ANKFY1: variants seen among roughly 807,000 people sequenced by gnomAD.
ANKFY1 encodes ankyrin repeat and FYVE domain-containing protein 1.
In ANKFY1, 47 loss-of-function variants were observed where a neutral mutation model predicts 128.3. That is an observed-to-expected ratio of 0.37 (90% CI 0.29 to 0.47). The LOEUF (loss-of-function observed/expected upper bound fraction) is 0.47, where lower values mean the gene tolerates loss of function less well. Among genes scored for constraint, ANKFY1 ranks in the 20% least tolerant of loss-of-function variants. ANKFY1 has a pLI of 1.00. For missense variants in ANKFY1, 1,222 were observed against 1,510.6 expected (o/e 0.81, Z 3.17); for synonymous variants, 553 against 601.6 (o/e 0.92, Z 1.18).
chr17:4,171,519 G>A (rs2059319475), intron 22 of ANKFY1, among the ~76,000 whole-genome samples: 1 of 152,174 alleles, frequency 6.6e-6, no homozygotes, highest in African/African-American at 2.4e-5. Context: ...ACTATCAAAT[G>A]AGGAAGCAGG....
At chr17:4,233,680 T>TA (rs2060553150) in intron 3 of ANKFY1, among the ~76,000 whole-genome samples, 1 of 152,212 alleles carries the variant, frequency 6.6e-6, no homozygotes, top group Admixed American at 6.5e-5. Context: ...AACCTTCCTT[T>TA]ATCACCCCAA....
chr17:4,258,931 C>CA lies in ANKFY1; in HGVS notation c.10+5000dup, dbSNP rs200736170. On this transcript the variant is annotated intron_variant, in intron 1 of 24. Transcript: ENST00000341657. ...AATTTTCTGTTCAATATACTATTTA[C>CA]AAAAAAATTACATTTTTTTCAATTT... 6.0e-3 allele frequency among the ~76,000 whole-genome samples: 917 copies of CA among 152,010 alleles called. 5 individuals carry two copies. Among genetic ancestry groups the CA allele is most frequent in the African/African-American group, 0.02 (846 of 41,452 alleles).
intron 7 of ANKFY1, among the ~76,000 whole-genome samples, chr17:4,204,897 G>A (rs1043743558): frequency 1.2e-4 from 19 of 152,208 alleles, no homozygotes; most frequent in Middle Eastern, 3.4e-3. Flanking sequence ...TGACATACTC[G>A]AAGGATTTCC....
In ANKFY1 at chr17:4,189,434, G is replaced by A; in HGVS notation, c.1418C>T (p.Ala473Val). 1 of 1,593,824 alleles carries A rather than the reference G, an allele frequency of 6.3e-7. No individual in the cohort carries two copies. Among genetic ancestry groups the A allele is most frequent in the Non-Finnish European group, 8.6e-7 (1 of 1,167,582 alleles). Residue 473 changes from alanine to valine, a missense_variant, in exon 11 of 25, where the codon GCA becomes GTA. Transcript: ENST00000341657. ...ACCGTTGGTTGCCAGGAAAAGAGCT[G>A]CTGCCTCGTTTCCTGCTCCAGCTGC... ...QRAAGAGNEAAALFLATNGAH... is the reference protein window; with the variant it reads ...QRAAGAGNEAVALFLATNGAH...
At chr17:4,262,937 A>T (rs980208839) in intron 1 of ANKFY1, among the ~76,000 whole-genome samples, 11 of 152,192 alleles carry the variant, frequency 7.2e-5, no homozygotes, top group Non-Finnish European at 7.4e-5. Flanking sequence ...AGATCCATCA[A>T]GTGATGGGTT....
chr17:4,205,263 A>C (rs574762152), intron 7 of ANKFY1, among the ~76,000 whole-genome samples: 1 of 152,208 alleles, frequency 6.6e-6, no homozygotes, highest in East Asian at 1.9e-4. Context: ...ACGCTTTGAC[A>C]CTTTGGAAAG....
intron 1 of ANKFY1, among the ~76,000 whole-genome samples, chr17:4,246,002 C>T (rs983193628): frequency 1.3e-5 from 2 of 152,152 alleles, no homozygotes; most frequent in Non-Finnish European, 2.9e-5. Context: ...CAAGATCGTG[C>T]CACTGCACTC....
At chr17:4,211,410 A>G (rs1047984111) in intron 4 of ANKFY1, among the ~76,000 whole-genome samples, 1 of 151,660 alleles carries the variant, frequency 6.6e-6, no homozygotes, top group Non-Finnish European at 1.5e-5. Flanking sequence ...AAAAAAAAAA[A>G]TTAGAAAAAA....
chr17:4,234,624 C>A (rs4790594), intron 3 of ANKFY1, among the ~76,000 whole-genome samples: 77,129 of 151,562 alleles, frequency 0.51, 21,511 homozygotes, highest in East Asian at 0.75. Flanking sequence ...GAAATCCATC[C>A]ACCTCAGATT....
rs77920995 is a variant in ANKFY1, at chr17:4,166,161, T to A, written c.*1618A>T. The A allele has an allele frequency of 2.1e-4, 32 of 152,368 alleles. No homozygotes were observed. Among genetic ancestry groups the A allele is most frequent in the Admixed American group, 1.7e-3 (26 of 15,306 alleles). 9.4% of individuals were successfully genotyped at this position (152,368 alleles called of 1,614,324 possible). ...ATCTTATAAATCACAGACTTTTTTT[T>A]AAGTAGTACTCCAGTTTATCAGCTC... On this transcript the variant is annotated 3_prime_UTR_variant, in exon 25 of 25. Coordinates refer to ENST00000341657, the MANE Select transcript of ANKFY1 (RefSeq NM_001330063.2).
In ANKFY1 at chr17:4,164,191, G is replaced by A. The variant is rs1361098314; in HGVS notation, c.*3588C>T. 1 of 152,590 alleles carries A rather than the reference G, an allele frequency of 6.6e-6. No individual in the cohort carries two copies. Among genetic ancestry groups the A allele is most frequent in the Non-Finnish European group, 1.5e-5 (1 of 68,044 alleles). The allele number at this position is 152,590 out of a possible 1,614,324, so 9.5% of individuals were successfully genotyped here. A position where few individuals can be genotyped will look rare whatever the true frequency, so the allele number is the denominator to read the frequency against. On this transcript the variant is annotated 3_prime_UTR_variant, in exon 25 of 25. Transcript: ENST00000341657. ...CCACACATCTGCCAAAAAAGAGCAA[G>A]TCATCAAGGCGAGCAGTCTCGACTC...
Position 4,217,134 on chromosome 17 carries a change from G to C in ANKFY1, c.323-16C>G, listed in dbSNP as rs369483744. On this transcript the variant is annotated splice_polypyrimidine_tract_variant and intron_variant, in intron 3 of 24. Transcript: ENST00000341657. ...GGATTAGCATCTGGTTAAAGAAAGA[G>C]AGAACAACTGAAAAAGCATAGAATG... 1.8e-5 allele frequency: 29 copies of C among 1,604,444 alleles called. No homozygotes were observed. The highest frequency in any genetic ancestry group is 5.0e-5 in the Admixed American group (3 of 59,906).
At position 4,177,255 on chromosome 17, in the gene ANKFY1, A is replaced by G; in HGVS notation, c.2646T>C (p.Ser882=). The change falls in exon 19 of 25, where the codon TCT becomes TCC. Residue 882 remains serine, a synonymous_variant. Coordinates refer to ENST00000341657, the MANE Select transcript of ANKFY1 (RefSeq NM_001330063.2). ...RNFLHVAVQN[S]DIESVLFLIS... ...TCAGGAACAGCACACTTTCAATATC[A>G]GAGTTCTGAACTGCCACATGAAGGA... The G allele has an allele frequency of 6.2e-7, 1 of 1,603,940 alleles. No homozygotes were observed.
intron 22 of ANKFY1, 82 bp downstream of exon 22, chr17:4,172,474 A>G (rs890989420): frequency 4.5e-5 from 70 of 1,549,676 alleles, no homozygotes; most frequent in Non-Finnish European, 4.6e-5. Flanking sequence ...GCCCTCAGAT[A>G]ACGACGTGTG....
At chr17:4,236,435 G>C (rs1478686874) in intron 2 of ANKFY1, among the ~76,000 whole-genome samples, 1 of 152,172 alleles carries the variant, frequency 6.6e-6, no homozygotes, top group Non-Finnish European at 1.5e-5. Flanking sequence ...TCCTAATATT[G>C]ACCATTTTTT....
chr17:4,246,835 G>C (rs1341678498), intron 1 of ANKFY1, among the ~76,000 whole-genome samples: 1 of 152,202 alleles, frequency 6.6e-6, no homozygotes. Flanking sequence ...ATCTAGGCTG[G>C]GTGTGGTGTT....
Position 4,169,259 on chromosome 17 carries a change from C to G in ANKFY1, c.3316G>C (p.Asp1106His), listed in dbSNP as rs984163935. ...DMLSKEPPWC[D>H]GSYCYECTAR... ...GTGCACTCATAGCAGTAGGAGCCGT[C>G]ACACCACGGAGGCTCCTTGGACAGC... Residue 1106 changes from aspartate to histidine, a missense_variant, in exon 24 of 25, where the codon GAC becomes CAC. By Grantham distance (81) the Asp-to-His change is moderately conservative. Coordinates refer to ENST00000341657, the MANE Select transcript of ANKFY1 (RefSeq NM_001330063.2). The surrounding 1 kb of genome is among the most constrained non-coding windows in gnomAD (Gnocchi z 5.0). 1 of 1,551,864 alleles carries G rather than the reference C, an allele frequency of 6.4e-7. No homozygotes were observed. The highest frequency in any genetic ancestry group is 2.0e-5 in the Admixed American group (1 of 51,142).
At chr17:4,226,105 CATAATT>C (rs1180992115) in intron 3 of ANKFY1, among the ~76,000 whole-genome samples, 1 of 152,086 alleles carries the variant, frequency 6.6e-6, no homozygotes, top group Non-Finnish European at 1.5e-5. Flanking sequence ...CTTAGGAAGT[CATAATT>C]ATAAATGTAA....
chr17:4,235,975 G>T lies in ANKFY1; in HGVS notation c.204-85C>A, dbSNP rs192382671. 25 of 941,870 alleles carry T rather than the reference G, an allele frequency of 2.7e-5. No homozygotes were observed. The African/African-American group carries it at 3.4e-4, about 13-fold the overall frequency. The allele number at this position is 941,870 out of a possible 1,614,324, so 58.3% of individuals were successfully genotyped here. ...GGATTCACAGCTGATAAACACATGAGTATTCATCAACATACATCTGCAAAA... is the reference window on the plus strand; with the variant it reads ...GGATTCACAGCTGATAAACACATGATTATTCATCAACATACATCTGCAAAA... On this transcript the variant is annotated intron_variant, in intron 2 of 24. Coordinates refer to ENST00000341657, the MANE Select transcript of ANKFY1 (RefSeq NM_001330063.2).
Sources: gnomAD v4.1 joint callset for allele counts (sites outside exome capture counted in the v4.1 genomes callset) on GRCh38, gnomAD v4.1.1 for gene constraint, Gnocchi (gnomAD v3.1) non-coding constraint, MANE v1.5 for transcripts, NCBI Gene and HGNC (gene_info 2026-07-23, HGNC 2026-07-21) for gene names.